NALCN: variants seen among roughly 807,000 people sequenced by gnomAD.
NALCN encodes the protein sodium leak channel, non-selective.
Under a neutral mutation model 225.3 loss-of-function variants are expected in NALCN, and 111 were observed. That is an observed-to-expected ratio of 0.49 (90% CI 0.42 to 0.58). The LOEUF (loss-of-function observed/expected upper bound fraction) is 0.58. Among genes scored for constraint, NALCN ranks in the 20% least tolerant of loss-of-function variants. NALCN has a pLI of 0.00. For missense variants in NALCN, 1,378 were observed against 2,202.4 expected, an observed-to-expected ratio of 0.63 and a Z score of 7.49; for synonymous variants, 764 against 769.0, an observed-to-expected ratio of 0.99 and a Z score of 0.11.
At chr13:101,145,533 G>A (rs905802741) in intron 15 of NALCN, among the ~76,000 whole-genome samples, 2 of 152,200 alleles carry the variant, frequency 1.3e-5, no homozygotes, top group African/African-American at 4.8e-5. Flanking sequence ...ATTTAAGAGT[G>A]TATATTTATA....
chr13:101,059,516 T>C (rs184139383), intron 42 of NALCN, among the ~76,000 whole-genome samples: 1 of 152,300 alleles, frequency 6.6e-6, no homozygotes, highest in East Asian at 1.9e-4. Context: ...TTAGAGCTGA[T>C]GTTAACTCTT....
chr13:101,376,015 A>T (rs911677924), intron 6 of NALCN, among the ~76,000 whole-genome samples: 3 of 152,218 alleles, frequency 2.0e-5, no homozygotes, highest in African/African-American at 7.2e-5. Flanking sequence ...TAATTAAAGT[A>T]CATACATTCT....
chr13:101,267,192 C>G (rs1479416940), intron 10 of NALCN, among the ~76,000 whole-genome samples: 1 of 152,202 alleles, frequency 6.6e-6, no homozygotes, highest in Admixed American at 6.5e-5. Flanking sequence ...AGCTTTCACT[C>G]TACTCTGTAA....
chr13:101,272,167 AGTGT>A (rs374350284), intron 10 of NALCN, among the ~76,000 whole-genome samples: 1 of 150,770 alleles, frequency 6.6e-6, no homozygotes, highest in Non-Finnish European at 1.5e-5. Context: ...AGCCTGTATG[AGTGT>A]GTGTGTGTAC....
At chr13:101,278,033 AT>A (rs1210602265) in intron 10 of NALCN, among the ~76,000 whole-genome samples, 4 of 152,198 alleles carry the variant, frequency 2.6e-5, no homozygotes, top group Admixed American at 2.0e-4. Flanking sequence ...TTTGGGTCAA[AT>A]TTAAAAACAA....
intron 27 of NALCN, among the ~76,000 whole-genome samples, chr13:101,096,467 A>G (rs2034508044): frequency 6.6e-6 from 1 of 152,218 alleles, no homozygotes; most frequent in South Asian, 2.1e-4. Flanking sequence ...GAAAAAAGTC[A>G]CAAAAGACCA....
chr13:101,172,578 G>A (rs1271027723), intron 15 of NALCN, among the ~76,000 whole-genome samples: 1 of 152,006 alleles, frequency 6.6e-6, no homozygotes, highest in African/African-American at 2.4e-5. Context: ...ATTATTATTT[G>A]AGACGGAGTC....
At chr13:101,258,979 T>C (rs912545073) in intron 10 of NALCN, among the ~76,000 whole-genome samples, 4 of 152,208 alleles carry the variant, frequency 2.6e-5, no homozygotes, top group African/African-American at 7.2e-5. Context: ...ATGAAAATAT[T>C]TTAGAGATGA....
chr13:101,106,709 C>T (rs554236255), intron 22 of NALCN, among the ~76,000 whole-genome samples: 22 of 152,126 alleles, frequency 1.4e-4, no homozygotes, highest in East Asian at 7.8e-4. Context: ...CTTTCACTTC[C>T]CTCTCTTGTC....
intron 13 of NALCN, among the ~76,000 whole-genome samples, chr13:101,209,093 C>G (rs973494522): frequency 1.3e-5 from 2 of 152,022 alleles, no homozygotes; most frequent in Non-Finnish European, 1.5e-5. Context: ...TTTATAACGT[C>G]CATAATTTTC....
intron 25 of NALCN, 91 bp from the exon 26 acceptor site, chr13:101,103,430 T>C: frequency 1.4e-6 from 2 of 1,420,448 alleles, no homozygotes; most frequent in Non-Finnish European, 1.9e-6. Flanking sequence ...ACTTTTCATT[T>C]AGCAGAGATT....
At chr13:101,159,131 G>A (rs549955991) in intron 15 of NALCN, among the ~76,000 whole-genome samples, 19 of 152,312 alleles carry the variant, frequency 1.2e-4, no homozygotes, top group African/African-American at 4.6e-4. Context: ...GGGAAAGTTT[G>A]ATGGCATATT....
At chr13:101,231,464 GTA>G (rs1448955905) in intron 12 of NALCN, among the ~76,000 whole-genome samples, 1 of 152,156 alleles carries the variant, frequency 6.6e-6, no homozygotes. Flanking sequence ...AAAAGCTGAA[GTA>G]TATAGTGTGA....
intron 7 of NALCN, among the ~76,000 whole-genome samples, chr13:101,295,601 G>T (rs2043719921): frequency 6.6e-6 from 1 of 151,772 alleles, no homozygotes; most frequent in Non-Finnish European, 1.5e-5. Context: ...ATTGGACAAA[G>T]GAAAAAAGGA....
chr13:101,074,800 T>G, intron 35 of NALCN, 138 bp from the exon 36 acceptor site: 1 of 1,008,786 alleles, frequency 9.9e-7, no homozygotes, highest in Non-Finnish European at 1.4e-6. Flanking sequence ...TTAAGCAGAT[T>G]GGCTCAAAAT....
chr13:101,109,728 A>T (rs1440671776), intron 20 of NALCN, among the ~76,000 whole-genome samples: 1 of 152,156 alleles, frequency 6.6e-6, no homozygotes, highest in African/African-American at 2.4e-5. Context: ...TTTGCATGGT[A>T]TAGCTGCTGG....
intron 37 of NALCN, among the ~76,000 whole-genome samples, chr13:101,071,596 C>A (rs1566782305): frequency 2.0e-5 from 3 of 152,308 alleles, no homozygotes; most frequent in Non-Finnish European, 4.4e-5. Context: ...GGGCCTTCTT[C>A]TGCATTTGGC....
chr13:101,184,074 T>C (rs1055633263), intron 14 of NALCN, among the ~76,000 whole-genome samples: 4 of 152,230 alleles, frequency 2.6e-5, no homozygotes, highest in Admixed American at 2.0e-4. Context: ...TTTAATTTTA[T>C]GACCGATATT....
intron 14 of NALCN, among the ~76,000 whole-genome samples, chr13:101,185,888 G>T (rs2039429139): frequency 6.6e-6 from 1 of 152,236 alleles, no homozygotes; most frequent in Non-Finnish European, 1.5e-5. Context: ...TGTTTACACA[G>T]ACTACTTTTT....
Sources: gnomAD v4.1 joint callset for allele counts (sites outside exome capture counted in the v4.1 genomes callset) on GRCh38, gnomAD v4.1.1 for gene constraint, MANE v1.5 for transcripts, NCBI Gene and HGNC (gene_info 2026-07-23, HGNC 2026-07-21) for gene names.